The following CFAP43 variants were observed in gnomAD, a reference collection of about 807,000 sequenced individuals.
CFAP43 encodes cilia and flagella associated protein 43.
Under a neutral mutation model 218.9 loss-of-function variants are expected in CFAP43, and 155 were observed. That is an observed-to-expected ratio of 0.71 (90% CI 0.62 to 0.81). The LOEUF is 0.81. CFAP43 is among the 30% of genes least tolerant of loss of function. CFAP43 has a pLI of 0.00. For synonymous variants in CFAP43, 645 were observed against 681.3 expected (o/e 0.95, Z 0.83); for missense variants, 1,778 against 1,954.3 (o/e 0.91, Z 1.70).
intron 34 of CFAP43, among the ~76,000 whole-genome samples, chr10:104,138,997 G>GAAA: frequency 6.6e-6 from 1 of 152,294 alleles, no homozygotes; most frequent in Non-Finnish European, 1.5e-5. Context: ...GGGATGGAAA[G>GAAA]TATAAGTTAA....
intron 11 of CFAP43, 30 bp from the exon 12 acceptor site, chr10:104,192,332 C>T (rs2090252922): frequency 6.5e-7 from 1 of 1,529,242 alleles, no homozygotes; most frequent in Non-Finnish European, 9.1e-7. Context: ...ATGATCAAAT[C>T]CCAATTGTTT....
Position 104,130,077 on chromosome 10 carries a change from T to C in CFAP43, c.*62A>G. On this transcript the variant is annotated 3_prime_UTR_variant, in exon 38 of 38. Transcript: ENST00000357060. ...CAGTAAGAAAGAAAAGGAAATCATT[T>C]TACCCAAATGAAATGATTTTTTAAA... The C allele has an allele frequency of 6.7e-7, 1 of 1,502,528 alleles. No homozygotes were observed. Among genetic ancestry groups the C allele is most frequent in the Non-Finnish European group, 8.9e-7 (1 of 1,126,780 alleles). The allele number at this position is 1,502,528 out of a possible 1,614,324, so 93.1% of individuals were successfully genotyped here. A position where few individuals can be genotyped will look rare whatever the true frequency, so the allele number is the denominator to read the frequency against.
rs1165093551 is a variant in CFAP43, at chr10:104,166,510, A to AT, written c.3016dup (p.Ile1006AsnfsTer20). The AT allele has an allele frequency of 1.2e-6, 2 of 1,613,248 alleles. No homozygotes were observed. The highest frequency in any genetic ancestry group is 1.1e-5 in the South Asian group (1 of 90,840). Reference sequence around the variant, plus strand: ...CACTTTCAATAATATAATTTGGTTGATTTTCTCTTCTCTGGAATGAAGCTC... The same window carrying AT: ...CACTTTCAATAATATAATTTGGTTGATTTTTCTCTTCTCTGGAATGAAGCTC... On this transcript the variant is annotated frameshift_variant, in exon 23 of 38. Transcript: ENST00000357060. LOFTEE classifies it high-confidence loss of function.
chr10:104,184,652 C>G (rs536121507), intron 16 of CFAP43, among the ~76,000 whole-genome samples: 3 of 151,990 alleles, frequency 2.0e-5, no homozygotes, highest in Non-Finnish European at 4.4e-5. Flanking sequence ...CCACCATTTC[C>G]CCACCCTAAT....
intron 18 of CFAP43, among the ~76,000 whole-genome samples, 178 bp from the exon 19 acceptor site, chr10:104,179,284 A>G (rs540715695): frequency 1.3e-5 from 2 of 152,330 alleles, no homozygotes; most frequent in African/African-American, 2.4e-5. Flanking sequence ...GCTACTATGT[A>G]AGTGACATTA....
chr10:104,182,350 C>G lies in CFAP43; in HGVS notation c.2289+16G>C. On this transcript the variant is annotated intron_variant, in intron 17 of 37. Transcript: ENST00000357060. ...AAGAAATGTAAGCAAGCAAGCTAGTCATATAGGAACTCAACTGTGTGTTCA... is the reference window on the plus strand; with the variant it reads ...AAGAAATGTAAGCAAGCAAGCTAGTGATATAGGAACTCAACTGTGTGTTCA... The G allele has an allele frequency of 6.4e-7, 1 of 1,562,076 alleles. No homozygotes were observed. Among genetic ancestry groups the G allele is most frequent in the Non-Finnish European group, 8.6e-7 (1 of 1,160,648 alleles).
At chr10:104,213,938 T>C (rs2090939465) in intron 4 of CFAP43, among the ~76,000 whole-genome samples, 1 of 152,224 alleles carries the variant, frequency 6.6e-6, no homozygotes, top group Non-Finnish European at 1.5e-5. Flanking sequence ...ACAACAGGCA[T>C]GTTTTAAAAT....
At position 104,194,024 on chromosome 10, in the gene CFAP43, A is replaced by C; in HGVS notation, c.1294-10T>G. The C allele has an allele frequency of 6.2e-7, 1 of 1,612,212 alleles. No homozygotes were observed. The highest frequency in any genetic ancestry group is 1.1e-5 in the South Asian group (1 of 91,082). ...AAGCCAGAACCGTTGCCTGTTTAAAATAAACCCCAGATGCGTATCTCTATT... is the reference window on the plus strand; with the variant it reads ...AAGCCAGAACCGTTGCCTGTTTAAACTAAACCCCAGATGCGTATCTCTATT... On this transcript the variant is annotated splice_polypyrimidine_tract_variant and intron_variant, in intron 10 of 37. Transcript: ENST00000357060.
At chr10:104,181,630 G>A (rs1248228662) in intron 17 of CFAP43, among the ~76,000 whole-genome samples, 6 of 152,160 alleles carry the variant, frequency 3.9e-5, no homozygotes, top group Admixed American at 6.5e-5. Context: ...TCCCTAGCTC[G>A]CTTCAACTGC....
In CFAP43 at chr10:104,193,941, A is replaced by C. The variant is rs1235941722; in HGVS notation, c.1367T>G (p.Ile456Ser). ...VGTEDGSVYF[I>S]SVYDKESPQV... is the part of the protein sequence containing the mutation. ...AGGGGATTCCTTATCATATACGCTGATGAAGTAGACCGAGCCATCCTCCGT... is the reference window on the plus strand; with the variant it reads ...AGGGGATTCCTTATCATATACGCTGCTGAAGTAGACCGAGCCATCCTCCGT... Residue 456 changes from isoleucine to serine, a missense_variant, in exon 11 of 38, where the codon ATC becomes AGC. Transcript: ENST00000357060. 3 of 1,613,990 alleles carry C rather than the reference A, an allele frequency of 1.9e-6. No individual in the cohort carries two copies. The highest frequency in any genetic ancestry group is 1.7e-6 in the Non-Finnish European group (2 of 1,180,018).
At chr10:104,215,225 A>G (rs1420256732) in intron 3 of CFAP43, among the ~76,000 whole-genome samples, 1 of 152,214 alleles carries the variant, frequency 6.6e-6, no homozygotes, top group African/African-American at 2.4e-5. Flanking sequence ...ATTTAAGAGA[A>G]TATCCTGAAC....
chr10:104,132,240 T>C, intron 35 of CFAP43, 44 bp from the exon 36 acceptor site: 1 of 1,325,658 alleles, frequency 7.5e-7, no homozygotes, highest in Non-Finnish European at 1.1e-6. Context: ...TTTCTCTCTT[T>C]CAATAGATGA....
chr10:104,138,713 T>A (rs2087565085), intron 34 of CFAP43, among the ~76,000 whole-genome samples: 1 of 150,434 alleles, frequency 6.6e-6, no homozygotes, highest in African/African-American at 2.4e-5. Flanking sequence ...GACAACTAAA[T>A]AAAATGCATC....
At chr10:104,165,728 C>T (rs1021824130) in intron 23 of CFAP43, among the ~76,000 whole-genome samples, 7 of 152,038 alleles carry the variant, frequency 4.6e-5, no homozygotes, top group Non-Finnish European at 8.8e-5. Context: ...CCAGAGGGAC[C>T]CCAACACCTT....
chr10:104,166,667 G>A lies in CFAP43; in HGVS notation c.2860C>T (p.Arg954Cys), dbSNP rs144670623. The change falls in exon 23 of 38, where the codon CGT becomes TGT. Residue 954 changes from arginine (R) to cysteine (C), a missense_variant. Arg to Cys is a radical substitution (Grantham distance 180). This residue lies in a region of CFAP43 where 1,553 missense variants were observed against 1,685.2 expected (regional missense o/e 0.92). Transcript: ENST00000357060. ...AQSGVKLIKQ[R>C]HEEDDEEEEE... ...TCTTCTTCATCATCCTCTTCATGAC[G>A]CTGTTTAATCAACTTAACTCCAGAC... 174 of 1,613,732 alleles carry A rather than the reference G, an allele frequency of 1.1e-4. No individual in the cohort carries two copies. In the African/African-American group the frequency reaches 1.6e-3, roughly 15 times the overall value.
Position 104,214,310 on chromosome 10 carries a change from A to G in CFAP43, c.533T>C (p.Val178Ala), listed in dbSNP as rs1409804894. The G allele has an allele frequency of 5.0e-6, 8 of 1,608,184 alleles. No homozygotes were observed. In the Middle Eastern group the frequency reaches 5.0e-4, roughly 100 times the overall value. Reference sequence around the variant, plus strand: ...ACTTCTTTCAATGGTCCACACGCTCACTGTACTTGGACTTGATAAGCACAG... The same window carrying G: ...ACTTCTTTCAATGGTCCACACGCTCGCTGTACTTGGACTTGATAAGCACAG... ...RQLCLSSPST[V>A]SVWTIERSNQ... The change falls in exon 4 of 38, where the codon GTG becomes GCG. Residue 178 changes from valine (V) to alanine (A), a missense_variant. Around this residue, in one of 3 missense-constraint regions of CFAP43, gnomAD observed 1,553 missense variants for 1,685.2 expected, o/e 0.92. Transcript: ENST00000357060.
At chr10:104,222,643 G>A (rs1347069772) in intron 3 of CFAP43, among the ~76,000 whole-genome samples, 3 of 152,108 alleles carry the variant, frequency 2.0e-5, no homozygotes, top group African/African-American at 7.2e-5. Flanking sequence ...ATAGAAGTGC[G>A]CATGAATATT....
At chr10:104,167,781 T>G (rs199920641) in intron 21 of CFAP43, 44 bp from the exon 22 acceptor site, 5 of 1,461,030 alleles carry the variant, frequency 3.4e-6, no homozygotes, top group Non-Finnish European at 4.7e-6. Flanking sequence ...ATTTGTAGTA[T>G]AATTGTGTGT....
chr10:104,159,498 A>G (rs2088760282), intron 27 of CFAP43, among the ~76,000 whole-genome samples: 1 of 152,142 alleles, frequency 6.6e-6, no homozygotes, highest in Non-Finnish European at 1.5e-5. Context: ...TAAACTGATG[A>G]GTAATGACAT....
Sources: gnomAD v4.1 joint callset for allele counts (sites outside exome capture counted in the v4.1 genomes callset) on GRCh38, gnomAD v4.1.1 for gene constraint, gnomAD v4.1.1 regional missense constraint, MANE v1.5 for transcripts, NCBI Gene and HGNC (gene_info 2026-07-23, HGNC 2026-07-21) for gene names.